GALNT3: variants seen among roughly 807,000 people sequenced by gnomAD.
The protein encoded by GALNT3 is GalNAc transferase 3.
GALNT3 carries 51 observed loss-of-function variants against 69.8 expected under a neutral mutation model. The ratio of observed to expected loss-of-function variants is 0.73; its 90% CI spans 0.58 to 0.92. The LOEUF is 0.92. Among genes scored for constraint, GALNT3 ranks in the 40% least tolerant of loss-of-function variants. The probability of loss-of-function intolerance (pLI) is 0.00; values close to 1 mark genes in which losing one functional copy is unlikely to be tolerated. For synonymous variants in GALNT3, 265 were observed against 248.5 expected, an observed-to-expected ratio of 1.07 and a Z score of -0.63; for missense variants, 711 against 760.0, an observed-to-expected ratio of 0.94 and a Z score of 0.76.
chr2:165,754,950 A>G lies in GALNT3; in HGVS notation c.1506T>C (p.Asn502=), dbSNP rs934481599. Residue 502 remains asparagine, a synonymous_variant, in exon 8 of 11, where the codon AAT becomes AAC. Coordinates refer to ENST00000392701, the MANE Select transcript of GALNT3 (RefSeq NM_004482.4). Reference sequence around the variant, plus strand: ...TACTCACGTATCCAGATATAACAGGATTAAGGTCTGGCACATACACCTCTG... The same window carrying G: ...TACTCACGTATCCAGATATAACAGGGTTAAGGTCTGGCACATACACCTCTG... ...IYPEVYVPDL[N]PVISGYIKSV... is the part of the protein sequence containing the mutation. 6 of 1,613,438 alleles carry G rather than the reference A, an allele frequency of 3.7e-6. No individual in the cohort carries two copies. The African/African-American group carries it at 8.0e-5, about 22-fold the overall frequency.
intron 1 of GALNT3, among the ~76,000 whole-genome samples, chr2:165,786,402 C>G (rs764125572): frequency 6.6e-6 from 1 of 152,104 alleles, no homozygotes; most frequent in Non-Finnish European, 1.5e-5. Context: ...ACAGTCATGT[C>G]CTGGTATCTG....
chr2:165,759,540 A>C lies in GALNT3; in HGVS notation c.869T>G (p.Leu290Arg), dbSNP rs1688506769. ...CECFYGWLEP[L>R]LARIAENYTA... ...GTAGTTCTCAGCTATTCTGGCCAAC[A>C]GAGGTTCTAGCCAACCATAGAAACA... The change falls in exon 5 of 11, where the codon CTG (leucine) becomes CGG (arginine). Residue 290 changes from leucine to arginine, a missense_variant. By Grantham distance (102) the Leu-to-Arg change is moderately radical. Coordinates refer to ENST00000392701, the MANE Select transcript of GALNT3 (RefSeq NM_004482.4). 1.2e-6 allele frequency: 2 copies of C among 1,613,704 alleles called. No homozygotes were observed.
At chr2:165,779,573 A>C (rs1017084757) in intron 1 of GALNT3, among the ~76,000 whole-genome samples, 21 of 152,202 alleles carry the variant, frequency 1.4e-4, no homozygotes, top group Non-Finnish European at 2.9e-4. Context: ...TACTCCTTAA[A>C]TTCTGTCACA....
intron 2 of GALNT3, chr2:165,769,974 C>A (rs1268851803): frequency 1.7e-6 from 1 of 600,092 alleles, no homozygotes; most frequent in Non-Finnish European, 2.9e-6. Flanking sequence ...AAGCTAATAA[C>A]TTTTCATATC....
At chr2:165,781,121 T>C (rs13427694) in intron 1 of GALNT3, among the ~76,000 whole-genome samples, 4,266 of 152,312 alleles carry the variant, frequency 0.028, 89 homozygotes, top group Middle Eastern at 0.058. Flanking sequence ...TTGGCACAGA[T>C]ACCAAGAGAG....
rs1205739462 is a variant in GALNT3, at chr2:165,770,469, G to T, written c.232C>A (p.Pro78Thr). 6.2e-7 allele frequency: 1 copy of T among 1,614,092 alleles called. No individual in the cohort carries two copies. ...ACAGGTGCTCCTATTTGCATTTTTG[G>T]CATGGCATCCTTAATATTGTTTACA... ...EAVNNIKDAMPKMQIGAPVRQ... is the reference protein window; with the variant it reads ...EAVNNIKDAMTKMQIGAPVRQ... Residue 78 changes from proline (P) to threonine (T), a missense_variant, in exon 2 of 11, where the codon CCA (proline) becomes ACA (threonine). Physicochemically the swap from Pro to Thr is conservative, Grantham distance 38. Coordinates refer to ENST00000392701, the MANE Select transcript of GALNT3 (RefSeq NM_004482.4).
intron 1 of GALNT3, 61 bp downstream of exon 1, chr2:165,793,954 T>C: frequency 6.5e-6 from 1 of 152,848 alleles, no homozygotes. Flanking sequence ...GCGGCCGTCC[T>C]CCCGCCTGCT....
intron 3 of GALNT3, among the ~76,000 whole-genome samples, chr2:165,762,307 A>C (rs780849293): frequency 6.6e-6 from 1 of 151,892 alleles, no homozygotes; most frequent in Non-Finnish European, 1.5e-5. Flanking sequence ...ATCAATAAAT[A>C]TAATGTGTTT....
intron 1 of GALNT3, among the ~76,000 whole-genome samples, chr2:165,792,687 T>C (rs1017371003): frequency 1.3e-5 from 2 of 152,150 alleles, no homozygotes; most frequent in African/African-American, 2.4e-5. Context: ...AACTTCTACG[T>C]AAAAATGTTG....
intron 3 of GALNT3, among the ~76,000 whole-genome samples, chr2:165,763,251 T>A (rs1312865702): frequency 6.6e-6 from 1 of 152,172 alleles, no homozygotes; most frequent in East Asian, 1.9e-4. Context: ...TCAATAAATG[T>A]CCTGGGGCAA....
intron 1 of GALNT3, among the ~76,000 whole-genome samples, chr2:165,781,611 A>T (rs960161972): frequency 6.6e-6 from 1 of 152,070 alleles, no homozygotes; most frequent in Non-Finnish European, 1.5e-5. Flanking sequence ...AAAGAAAAAA[A>T]AAAAAAGCCT....
At chr2:165,758,130 A>G (rs182628371) in intron 6 of GALNT3, among the ~76,000 whole-genome samples, 1 of 152,224 alleles carries the variant, frequency 6.6e-6, no homozygotes, top group African/African-American at 2.4e-5. Context: ...AACTTGGCTA[A>G]GATCATCACT....
At chr2:165,760,391 A>G (rs1341308615) in intron 4 of GALNT3, among the ~76,000 whole-genome samples, 1 of 152,182 alleles carries the variant, frequency 6.6e-6, no homozygotes, top group Non-Finnish European at 1.5e-5. Context: ...GTCACAGGCC[A>G]GGCTGTTTTA....
intron 2 of GALNT3, 40 bp downstream of exon 2, chr2:165,770,146 C>T: frequency 6.2e-7 from 1 of 1,612,940 alleles, no homozygotes; most frequent in Non-Finnish European, 8.5e-7. Context: ...CCTGCAAAGC[C>T]TGGTGATAAA....
chr2:165,770,754 A>C lies in GALNT3; in HGVS notation c.-54T>G. The C allele has an allele frequency of 1.3e-6, 2 of 1,572,564 alleles. No homozygotes were observed. The highest frequency in any genetic ancestry group is 1.7e-6 in the Non-Finnish European group (2 of 1,163,068). ...AATAACAGTTATTTCTTCTTCTGTT[A>C]CTTATATTTTTTATCATAGATTTGC... On this transcript the variant is annotated 5_prime_UTR_variant, in exon 2 of 11. Coordinates refer to ENST00000392701, the MANE Select transcript of GALNT3 (RefSeq NM_004482.4).
upstream of GALNT3, chr2:165,794,478 C>T (rs73017466): frequency 4.6e-5 from 7 of 152,448 alleles, no homozygotes; most frequent in African/African-American, 1.7e-4. Context: ...TTGGAGGAAT[C>T]CTGCACTGAC....
Position 165,770,213 on chromosome 2 carries a change from T to G in GALNT3, c.488A>C (p.Asp163Ala). The G allele has an allele frequency of 6.2e-7, 1 of 1,614,116 alleles. No homozygotes were observed. ...FASDRISLHR[D>A]LGPDTRPPEC... ...AGGAGGTCGAGTGTCTGGTCCAAGA[T>G]CTCGGTGCAAAGAAATCCTGTCACT... Residue 163 changes from aspartate to alanine, a missense_variant, in exon 2 of 11, where the codon GAT becomes GCT. Physicochemically the swap from Asp to Ala is moderately radical, Grantham distance 126. Coordinates refer to ENST00000392701, the MANE Select transcript of GALNT3 (RefSeq NM_004482.4).
chr2:165,780,067 A>G (rs1307401175), intron 1 of GALNT3, among the ~76,000 whole-genome samples: 1 of 152,158 alleles, frequency 6.6e-6, no homozygotes, highest in Non-Finnish European at 1.5e-5. Flanking sequence ...TCTGCAGATT[A>G]GGAACTCAGC....
At chr2:165,775,342 T>A (rs1688828805) in intron 1 of GALNT3, among the ~76,000 whole-genome samples, 1 of 152,190 alleles carries the variant, frequency 6.6e-6, no homozygotes, top group African/African-American at 2.4e-5. Context: ...TTTAAAAACT[T>A]TTCAAAGCAC....
Sources: gnomAD v4.1 joint callset for allele counts (sites outside exome capture counted in the v4.1 genomes callset) on GRCh38, gnomAD v4.1.1 for gene constraint, MANE v1.5 for transcripts, NCBI Gene and HGNC (gene_info 2026-07-23, HGNC 2026-07-21) for gene names.